The following PLEKHA4 variants were observed in gnomAD, a reference collection of about 807,000 sequenced individuals.
PLEKHA4 encodes pleckstrin homology domain containing A4.
Under a neutral mutation model 94.7 loss-of-function variants are expected in PLEKHA4, and 73 were observed. The ratio of observed to expected loss-of-function variants is 0.77; its 90% CI spans 0.64 to 0.94. The LOEUF (loss-of-function observed/expected upper bound fraction) is 0.94, where lower values mean the gene tolerates loss of function less well. PLEKHA4 is among the 40% of genes least tolerant of loss of function. The pLI, the probability that PLEKHA4 is intolerant of heterozygous loss-of-function variation, is 0.00. For missense variants in PLEKHA4, 1,049 were observed against 1,054.1 expected, an observed-to-expected ratio of 1.00 and a Z score of 0.07; for synonymous variants, 449 against 437.1, an observed-to-expected ratio of 1.03 and a Z score of -0.34.
At chr19:48,859,440 A>T (rs771732132) in intron 7 of PLEKHA4, 29 bp downstream of exon 7, 1 of 1,610,248 alleles carries the variant, frequency 6.2e-7, no homozygotes, top group Non-Finnish European at 8.5e-7. Context: ...CTCTTAGGCC[A>T]CGCCCACAAC....
At position 48,867,822 on chromosome 19, in the gene PLEKHA4, CG is replaced by C. The variant is rs1320544189; in HGVS notation, c.-6-197del. 2.0e-5 allele frequency among the ~76,000 whole-genome samples: 3 copies of C among 152,012 alleles called. No individual in the cohort carries two copies. Among genetic ancestry groups the C allele is most frequent in the Non-Finnish European group, 4.4e-5 (3 of 67,996 alleles). On this transcript the variant is annotated intron_variant, in intron 1 of 19. Transcript: ENST00000263265. This position sits in a 1 kb window ranked among gnomAD's most constrained non-coding sequence, Gnocchi z 4.7. ...GAGAGGTAGGCGGCCCTGGCAGCTG[CG>C]GGAGGGGGCAGCTGTCTGCAGCCCA...
In PLEKHA4 at chr19:48,837,333, C is replaced by A; in HGVS notation, c.2296G>T (p.Gly766Trp). 1 of 1,613,938 alleles carries A rather than the reference C, an allele frequency of 6.2e-7. No individual in the cohort carries two copies. The highest frequency in any genetic ancestry group is 8.5e-7 in the Non-Finnish European group (1 of 1,180,014). ...IAPPVLPQDEGAWPLRVTLLQ... is the reference protein window; with the variant it reads ...IAPPVLPQDEWAWPLRVTLLQ... Reference sequence around the variant, plus strand: ...AGAGTGACTCGCAGAGGCCATGCCCCCTCGTCTTGTGGCAGGACCGGAGGG... The same window carrying A: ...AGAGTGACTCGCAGAGGCCATGCCCACTCGTCTTGTGGCAGGACCGGAGGG... Residue 766 changes from glycine to tryptophan, a missense_variant, in exon 20 of 20, where the codon GGG becomes TGG. By Grantham distance (184) the Gly-to-Trp change is radical. Transcript: ENST00000263265. This position sits in a 1 kb window ranked among gnomAD's most constrained non-coding sequence, Gnocchi z 4.3.
At chr19:48,853,562 T>C in intron 12 of PLEKHA4, 120 bp downstream of exon 12, 2 of 1,062,786 alleles carry the variant, frequency 1.9e-6, no homozygotes, top group South Asian at 2.5e-5. Context: ...ATAATAAAAT[T>C]TGGAGTGTAG....
chr19:48,855,604 A>AAATG (rs1275100570), intron 9 of PLEKHA4, among the ~76,000 whole-genome samples: 2 of 52,882 alleles, frequency 3.8e-5, no homozygotes, highest in Non-Finnish European at 6.6e-5. Flanking sequence ...ATTTCGTCTC[A>AAATG]AATAAATAAA....
At position 48,848,084 on chromosome 19, in the gene PLEKHA4, C is replaced by T. The variant is rs779427919; in HGVS notation, c.1426-44G>A. ...TTTGTTACTTAAAGGTGGGAAAACG[C>T]AGGAGGGTTTCAGCTAATAGGCCCC... On this transcript the variant is annotated intron_variant, in intron 13 of 19. Coordinates refer to ENST00000263265, the MANE Select transcript of PLEKHA4 (RefSeq NM_020904.3). 4 of 1,599,308 alleles carry T rather than the reference C, an allele frequency of 2.5e-6. No individual in the cohort carries two copies. The Admixed American group carries it at 6.8e-5, about 27-fold the overall frequency.
intron 18 of PLEKHA4, among the ~76,000 whole-genome samples, chr19:48,838,954 G>A (rs557913373): frequency 8.6e-5 from 13 of 151,988 alleles, no homozygotes; most frequent in Non-Finnish European, 1.5e-4. Flanking sequence ...CCACTCGCGC[G>A]TCACTATCAC....
At position 48,838,067 on chromosome 19, in the gene PLEKHA4, AG is replaced by A. The variant is rs1171528320; in HGVS notation, c.2026del (p.Leu676SerfsTer15). 3.1e-6 allele frequency: 5 copies of A among 1,611,472 alleles called. No homozygotes were observed. The highest frequency in any genetic ancestry group is 4.2e-6 in the Non-Finnish European group (5 of 1,179,124). On this transcript the variant is annotated frameshift_variant, in exon 19 of 20. Coordinates refer to ENST00000263265, the MANE Select transcript of PLEKHA4 (RefSeq NM_020904.3). LOFTEE classifies it high-confidence loss of function. ...CGCCTCAGTAGCCAGGGCTTGGGAG[AG>A]GCTGAGAACCCGCTCCCGGTGACCT... is the stretch of plus-strand genomic sequence containing the variant. ...SEGHRERVLS[L>X]SQALATEASQ...
At chr19:48,839,079 T>C in intron 18 of PLEKHA4, 126 bp downstream of exon 18, 1 of 513,966 alleles carries the variant, frequency 1.9e-6, no homozygotes, top group Non-Finnish European at 3.3e-6. Flanking sequence ...CCCGGGAACT[T>C]AAGCATCTCT....
At chr19:48,862,667 AC>A (rs1388381161) in intron 3 of PLEKHA4, among the ~76,000 whole-genome samples, 1 of 150,722 alleles carries the variant, frequency 6.6e-6, no homozygotes, top group African/African-American at 2.4e-5. Flanking sequence ...CCGCCACCAC[AC>A]CCGGCTAATT....
intron 5 of PLEKHA4, among the ~76,000 whole-genome samples, chr19:48,860,982 G>A (rs1186801448): frequency 1.3e-5 from 2 of 152,114 alleles, no homozygotes; most frequent in African/African-American, 4.8e-5. Context: ...TGAGGTAGGC[G>A]GATCACCTGA....
intron 13 of PLEKHA4, among the ~76,000 whole-genome samples, chr19:48,850,459 G>T (rs1406546421): frequency 2.0e-5 from 3 of 150,714 alleles, no homozygotes; most frequent in Admixed American, 6.6e-5. Flanking sequence ...AGTCGAGATT[G>T]TGCCACTGCA....
intron 8 of PLEKHA4, among the ~76,000 whole-genome samples, chr19:48,857,740 A>G (rs1324894331): frequency 1.3e-5 from 2 of 150,132 alleles, no homozygotes; most frequent in Admixed American, 6.7e-5. Context: ...AGTCATCACC[A>G]CTCCCTAATC....
chr19:48,852,145 G>A, intron 13 of PLEKHA4, 83 bp downstream of exon 13: 1 of 1,082,396 alleles, frequency 9.2e-7, no homozygotes, highest in Non-Finnish European at 1.4e-6. Flanking sequence ...TCGATTCTGT[G>A]GGCGAAGATT....
intron 3 of PLEKHA4, among the ~76,000 whole-genome samples, chr19:48,864,539 G>A (rs1462864891): frequency 5.3e-5 from 8 of 151,978 alleles, no homozygotes; most frequent in South Asian, 2.1e-4. Flanking sequence ...TCTCAGCCAC[G>A]TTCAAGCACA....
At position 48,837,924 on chromosome 19, in the gene PLEKHA4, G is replaced by A; in HGVS notation, c.2077+93C>T. 3.8e-6 allele frequency: 4 copies of A among 1,049,916 alleles called. No homozygotes were observed. The highest frequency in any genetic ancestry group is 5.7e-6 in the Non-Finnish European group (4 of 702,628). The allele number at this position is 1,049,916 out of a possible 1,614,324, so 65.0% of individuals were successfully genotyped here. On this transcript the variant is annotated intron_variant, in intron 19 of 19. Transcript: ENST00000263265. The surrounding 1 kb of genome is among the most constrained non-coding windows in gnomAD (Gnocchi z 4.3). Reference sequence around the variant, plus strand: ...TCACCAAGATAAAAAATTCTCACCGGCCCCCAGACCCCTCCTCTCCAGGAC... The same window carrying A: ...TCACCAAGATAAAAAATTCTCACCGACCCCCAGACCCCTCCTCTCCAGGAC...
Position 48,858,960 on chromosome 19 carries a change from AG to A in PLEKHA4, c.871del (p.Leu291SerfsTer78). 6.3e-7 allele frequency: 1 copy of A among 1,581,516 alleles called. No individual in the cohort carries two copies. Among genetic ancestry groups the A allele is most frequent in the Non-Finnish European group, 8.5e-7 (1 of 1,169,854 alleles). On this transcript the variant is annotated frameshift_variant, in exon 8 of 20. Transcript: ENST00000263265. LOFTEE classifies it high-confidence loss of function. ...TCGGCGGGGAGTAGGGGGTCGGGAG[AG>A]GGTCTGGCGTTGGGGGCCCCAATCC... ...PLDWGPQRQT[L>X]SRPPTPRRGP...
chr19:48,852,289 T>C lies in PLEKHA4; in HGVS notation c.1364A>G (p.Glu455Gly). The stretch of plus-strand genomic sequence containing the variant: ...CTCTCTTAAGGTGCCCAGCTCCTGC[T>C]CCAGGCCACTGTACGTGTCCCAAAC... ...ERVWDTYSGL[E>G]QELGTLRETL... Residue 455 changes from glutamate (E) to glycine (G), a missense_variant, in exon 13 of 20, where the codon GAG becomes GGG. Coordinates refer to ENST00000263265, the MANE Select transcript of PLEKHA4 (RefSeq NM_020904.3). 6.2e-7 allele frequency: 1 copy of C among 1,614,034 alleles called. No homozygotes were observed. Among genetic ancestry groups the C allele is most frequent in the South Asian group, 1.1e-5 (1 of 91,078 alleles).
intron 5 of PLEKHA4, among the ~76,000 whole-genome samples, chr19:48,860,707 TGA>T (rs1469938562): frequency 6.6e-6 from 1 of 151,470 alleles, no homozygotes; most frequent in African/African-American, 2.4e-5. Context: ...CCGGGGAGAC[TGA>T]GGCAGGAAGA....
chr19:48,838,168 A>C, intron 18 of PLEKHA4, 39 bp from the exon 19 acceptor site: 78 of 664,054 alleles, frequency 1.2e-4, no homozygotes, highest in Non-Finnish European at 1.8e-4. Context: ...GGGTGTGTAC[A>C]TGGGGGAGAG....
Sources: gnomAD v4.1 joint callset for allele counts (sites outside exome capture counted in the v4.1 genomes callset) on GRCh38, gnomAD v4.1.1 for gene constraint, Gnocchi (gnomAD v3.1) non-coding constraint, MANE v1.5 for transcripts, NCBI Gene and HGNC (gene_info 2026-07-23, HGNC 2026-07-21) for gene names.